Variants in MIPEP observed in about 807,000 individuals in gnomAD.
MIPEP encodes the protein mitochondrial intermediate peptidase.
In MIPEP, 79 loss-of-function variants were observed where a neutral mutation model predicts 90.3. That is an observed-to-expected ratio of 0.87 (90% CI 0.73 to 1.05). The LOEUF (loss-of-function observed/expected upper bound fraction) is 1.05. Among genes scored for constraint, MIPEP ranks in the 50% least tolerant of loss-of-function variants. The probability of loss-of-function intolerance (pLI) is 0.00; values close to 1 mark genes in which losing one functional copy is unlikely to be tolerated. For missense variants in MIPEP, 940 were observed against 905.6 expected (o/e 1.04, Z -0.49); for synonymous variants, 334 against 315.8 (o/e 1.06, Z -0.61).
chr13:23,811,629 GACTTGTA>G, intron 14 of MIPEP, among the ~76,000 whole-genome samples: 1 of 152,320 alleles, frequency 6.6e-6, no homozygotes, highest in Non-Finnish European at 1.5e-5. Flanking sequence ...GAGGCTATAA[GACTTGTA>G]ACTTCCCCAG....
intron 14 of MIPEP, among the ~76,000 whole-genome samples, chr13:23,825,527 A>AC (rs1868407897): frequency 6.6e-6 from 1 of 152,246 alleles, no homozygotes; most frequent in South Asian, 2.1e-4. Context: ...AATAACACTT[A>AC]AAGTAGATAT....
At chr13:23,775,149 G>A (rs1952701541) in intron 16 of MIPEP, among the ~76,000 whole-genome samples, 2 of 122,828 alleles carry the variant, frequency 1.6e-5, no homozygotes, top group African/African-American at 3.0e-5. Flanking sequence ...GTGTGTGTGT[G>A]TGTGTGTATT....
At chr13:23,841,145 T>A (rs1869276088) in intron 11 of MIPEP, among the ~76,000 whole-genome samples, 190 bp downstream of exon 11, 1 of 152,200 alleles carries the variant, frequency 6.6e-6, no homozygotes, top group Non-Finnish European at 1.5e-5. Flanking sequence ...ACTCTGCTGT[T>A]TTATGTTTGG....
At chr13:23,769,218 C>T (rs571754187) in intron 16 of MIPEP, among the ~76,000 whole-genome samples, 1 of 152,268 alleles carries the variant, frequency 6.6e-6, no homozygotes, top group South Asian at 2.1e-4. Flanking sequence ...AGAGTCAGCC[C>T]AGGACAGCAA....
chr13:23,868,048 T>A (rs988660878), intron 7 of MIPEP, among the ~76,000 whole-genome samples: 1 of 151,856 alleles, frequency 6.6e-6, no homozygotes. Flanking sequence ...AGAAAAAACA[T>A]ACACTAAAAA....
chr13:23,857,594 TA>T (rs1299193483), intron 10 of MIPEP, among the ~76,000 whole-genome samples: 1 of 151,964 alleles, frequency 6.6e-6, no homozygotes, highest in African/African-American at 2.4e-5. Context: ...TAATGAAAAA[TA>T]AAAATAAAAA....
chr13:23,734,734 C>A (rs539017523), intron 18 of MIPEP, among the ~76,000 whole-genome samples: 1 of 152,170 alleles, frequency 6.6e-6, no homozygotes, highest in East Asian at 1.9e-4. Context: ...CCATTCGACG[C>A]CCCTTTCCAG....
rs773161120 is a variant in MIPEP, at chr13:23,886,381, C to T, written c.315G>A (p.Val105=). The T allele has an allele frequency of 2.5e-5, 40 of 1,606,450 alleles. 1 individual carries two copies. In the South Asian group the frequency reaches 4.2e-4, roughly 17 times the overall value. The part of the protein sequence containing the change: ...ACSTPPGPQT[V]LIFDELSDSL... The stretch of plus-strand genomic sequence containing the variant: ...AATCCGAGAGCTCATCGAAGATCAG[C>T]ACGGTCTGGGGCCCAGGTGGGGTGG... Residue 105 remains valine, a synonymous_variant, in exon 2 of 19, where the codon GTG becomes GTA. Coordinates refer to ENST00000382172, the MANE Select transcript of MIPEP (RefSeq NM_005932.4).
chr13:23,841,084 G>GTGGATATATATATCCACAATATTT (rs1172353294), intron 11 of MIPEP, among the ~76,000 whole-genome samples: 1 of 152,084 alleles, frequency 6.6e-6, no homozygotes, highest in Non-Finnish European at 1.5e-5. Flanking sequence ...GATATATGAA[G>GTGGATATATATATCCACAATATTT]GTGCATATAT....
chr13:23,844,484 G>A (rs1386772559), intron 10 of MIPEP, among the ~76,000 whole-genome samples: 1 of 152,116 alleles, frequency 6.6e-6, no homozygotes, highest in African/African-American at 2.4e-5. Flanking sequence ...AGAAAGGCAG[G>A]CAGCCATAGA....
intron 5 of MIPEP, among the ~76,000 whole-genome samples, chr13:23,873,207 C>G (rs1053866014): frequency 6.6e-6 from 1 of 152,204 alleles, no homozygotes; most frequent in Non-Finnish European, 1.5e-5. Flanking sequence ...AGGAGGAGGA[C>G]AGCAAACACA....
intron 18 of MIPEP, among the ~76,000 whole-genome samples, chr13:23,743,415 T>C (rs955392380): frequency 6.6e-6 from 1 of 152,232 alleles, no homozygotes; most frequent in Non-Finnish European, 1.5e-5. Context: ...CCACACCCTT[T>C]GCTAAAGGTG....
chr13:23,889,275 C>A lies in MIPEP; in HGVS notation c.46G>T (p.Ala16Ser), dbSNP rs112735196. ...CGGCCCGCCCGGCGGGGCGGCAGAGCTGCTGCTCTGGCTCCCAAGCCGCCC... is the reference window on the plus strand; with the variant it reads ...CGGCCCGCCCGGCGGGGCGGCAGAGATGCTGCTCTGGCTCCCAAGCCGCCC... ...RLGGLGARAAALPPRRAGRGS... is the reference protein window; with the variant it reads ...RLGGLGARAASLPPRRAGRGS... Residue 16 changes from alanine (A) to serine (S), a missense_variant, in exon 1 of 19, where the codon GCT becomes TCT. Ala to Ser is a moderately conservative substitution (Grantham distance 99). Coordinates refer to ENST00000382172, the MANE Select transcript of MIPEP (RefSeq NM_005932.4). 1,420 of 1,378,908 alleles carry A rather than the reference C, an allele frequency of 1.0e-3. 14 individuals carry two copies. The African/African-American group carries it at 0.02, about 19-fold the overall frequency. 85.4% of individuals were successfully genotyped at this position (1,378,908 alleles called of 1,614,324 possible). A position where few individuals can be genotyped will look rare whatever the true frequency, so the allele number is the denominator to read the frequency against.
At chr13:23,845,623 T>C (rs2137471241) in intron 10 of MIPEP, among the ~76,000 whole-genome samples, 1 of 152,308 alleles carries the variant, frequency 6.6e-6, no homozygotes, top group South Asian at 2.1e-4. Context: ...ATCCATAAGA[T>C]AAACTGAAGA....
chr13:23,814,895 A>G (rs1434667462), intron 14 of MIPEP, among the ~76,000 whole-genome samples: 1 of 152,270 alleles, frequency 6.6e-6, no homozygotes, highest in Non-Finnish European at 1.5e-5. Flanking sequence ...AAGGAGCATC[A>G]GATAAAACTG....
At chr13:23,764,786 C>T (rs572757487) in intron 16 of MIPEP, among the ~76,000 whole-genome samples, 22 of 152,260 alleles carry the variant, frequency 1.4e-4, no homozygotes, top group African/African-American at 5.1e-4. Context: ...TAGTTTTGAA[C>T]TCCTGGCCTC....
intron 18 of MIPEP, chr13:23,756,308 C>A (rs959561136): frequency 1.2e-5 from 5 of 434,526 alleles, no homozygotes; most frequent in African/African-American, 8.1e-5. Context: ...GCGTCTGCCA[C>A]CACGCCCAGC....
At chr13:23,864,751 AAG>A (rs1491375546) in intron 7 of MIPEP, among the ~76,000 whole-genome samples, 4,401 of 146,538 alleles carry the variant, frequency 0.03, 264 homozygotes, top group African/African-American at 0.1. Flanking sequence ...AAAAAAAAAA[AAG>A]AGTTAATGGG....
intron 16 of MIPEP, among the ~76,000 whole-genome samples, chr13:23,770,596 G>T (rs781423168): frequency 2.6e-5 from 4 of 151,910 alleles, no homozygotes; most frequent in Non-Finnish European, 5.9e-5. Context: ...TCCCCTGCCT[G>T]CCAGCTTGGC....
Sources: allele counts gnomAD v4.1 joint callset (sites outside exome capture counted in the v4.1 genomes callset), GRCh38; gene constraint gnomAD v4.1.1; transcripts MANE v1.5; gene names NCBI Gene and HGNC (gene_info 2026-07-23, HGNC 2026-07-21).